Variants in GHRH observed in about 807,000 individuals in gnomAD.
The protein encoded by GHRH is somatoliberin.
GHRH carries 7 observed loss-of-function variants against 15.6 expected under a neutral mutation model. The ratio of observed to expected loss-of-function variants is 0.45; its 90% confidence interval spans 0.26 to 0.84. The LOEUF is 0.84. GHRH is among the 40% of genes least tolerant of loss of function. GHRH has a pLI of 0.18. For missense variants in GHRH, 117 were observed against 138.0 expected, an observed-to-expected ratio of 0.85 and a Z score of 0.76; for synonymous variants, 54 against 50.4, an observed-to-expected ratio of 1.07 and a Z score of -0.30.
intron 1 of GHRH, among the ~76,000 whole-genome samples, chr20:37,259,158 A>G (rs966085746): frequency 1.3e-5 from 2 of 152,214 alleles, no homozygotes; most frequent in Admixed American, 6.5e-5. Context: ...AGAAAAGATG[A>G]GAACACGGGA....
intron 1 of GHRH, among the ~76,000 whole-genome samples, chr20:37,261,334 G>A (rs1468300250): frequency 2.6e-5 from 4 of 152,242 alleles, no homozygotes; most frequent in Non-Finnish European, 4.4e-5. Flanking sequence ...CATTGAATCA[G>A]TTCTGAGTGA....
At position 37,258,549 on chromosome 20, in the gene GHRH, A is replaced by C. The variant is rs2068670930; in HGVS notation, c.-19-1641T>G. Among the ~76,000 whole-genome samples the C allele has an allele frequency of 6.6e-6, 1 of 152,098 alleles. No homozygotes were observed. Among genetic ancestry groups the C allele is most frequent in the Non-Finnish European group, 1.5e-5 (1 of 68,018 alleles). ...CAGGGGGTCTGCTTACTGCAGCCTG[A>C]GACCCTGTACCTGCAGAGCTGGAGG... is the stretch of plus-strand genomic sequence containing the variant. On this transcript the variant is annotated intron_variant, in intron 1 of 4. Transcript: ENST00000373614. The surrounding 1 kb of genome is among the most constrained non-coding windows in gnomAD (Gnocchi z 4.1).
chr20:37,254,475 A>G (rs2068644177), intron 3 of GHRH, 146 bp from the exon 4 acceptor site: 1 of 800,114 alleles, frequency 1.2e-6, no homozygotes, highest in Non-Finnish European at 2.1e-6. Context: ...GGCAGTATAT[A>G]TAGTAATGAA....
In GHRH at chr20:37,256,898, C is replaced by T. The variant is rs182091020; in HGVS notation, c.-9G>A. ...AACACCCAGAGTGGCATCCTTCACCCGGGGTGGCACCTGCAGAGTGACAGG... is the reference window on the plus strand; with the variant it reads ...AACACCCAGAGTGGCATCCTTCACCTGGGGTGGCACCTGCAGAGTGACAGG... On this transcript the variant is annotated 5_prime_UTR_variant, in exon 2 of 5. Transcript: ENST00000373614. 1.7e-5 allele frequency: 28 copies of T among 1,601,148 alleles called. No homozygotes were observed. In the East Asian group the frequency reaches 1.8e-4, roughly 10 times the overall value.
chr20:37,260,580 A>G lies in GHRH; in HGVS notation c.-20+1163T>C, dbSNP rs1426145024. 2.0e-5 allele frequency among the ~76,000 whole-genome samples: 3 copies of G among 152,170 alleles called. No individual in the cohort carries two copies. In the East Asian group the frequency reaches 5.8e-4, roughly 29 times the overall value. On this transcript the variant is annotated intron_variant, in intron 1 of 4. Coordinates refer to ENST00000373614, the MANE Select transcript of GHRH (RefSeq NM_021081.6). Reference sequence around the variant, plus strand: ...AGCCTAAATGTCAGAGCAAGACCCCATCTCAAAGAATAAAATAAAATAGCT... The same window carrying G: ...AGCCTAAATGTCAGAGCAAGACCCCGTCTCAAAGAATAAAATAAAATAGCT...
chr20:37,252,149 C>T (rs1003878740), intron 4 of GHRH, among the ~76,000 whole-genome samples: 3 of 152,208 alleles, frequency 2.0e-5, no homozygotes, highest in African/African-American at 4.8e-5. Context: ...TCTTGTCTTG[C>T]GGACCCTAGA....
rs1401525372 is a variant in GHRH at position 37,258,194 on chromosome 20, C to A, written c.-19-1286G>T. Among the ~76,000 whole-genome samples the A allele has an allele frequency of 1.3e-5, 2 of 152,236 alleles. No individual in the cohort carries two copies. Among genetic ancestry groups the A allele is most frequent in the Admixed American group, 1.3e-4 (2 of 15,286 alleles). ...TGCCCAAGCATGGAAACACGGCTGG[C>A]CTCGGGGGACTTGGCCACCTAGGAA... is the stretch of plus-strand genomic sequence containing the variant. On this transcript the variant is annotated intron_variant, in intron 1 of 4. Coordinates refer to ENST00000373614, the MANE Select transcript of GHRH (RefSeq NM_021081.6). This position sits in a 1 kb window ranked among gnomAD's most constrained non-coding sequence, Gnocchi z 4.1.
In GHRH at chr20:37,258,145, G is replaced by T. The variant is rs1283979933; in HGVS notation, c.-19-1237C>A. Among the ~76,000 whole-genome samples the T allele has an allele frequency of 6.6e-6, 1 of 152,246 alleles. No homozygotes were observed. Among genetic ancestry groups the T allele is most frequent in the African/African-American group, 2.4e-5 (1 of 41,472 alleles). On this transcript the variant is annotated intron_variant, in intron 1 of 4. Transcript: ENST00000373614. This position sits in a 1 kb window ranked among gnomAD's most constrained non-coding sequence, Gnocchi z 4.1. ...ACAGAGCCCGCCTCCGCTGGGGCAA[G>T]TGCCACTGCTGTCAGCCCAGACCTG...
rs1216036464 is a variant in GHRH at position 37,256,394 on chromosome 20, C to T, written c.188G>A (p.Gly63Glu). The T allele has an allele frequency of 1.2e-6, 2 of 1,601,618 alleles. No individual in the cohort carries two copies. ...AGAAATCACTAGAACTCCTGCTTAC[C>T]CCTGCTGCCTGCTCATGATGTCCTG... ...LLQDIMSRQQ[G>E]ESNQERGARA... Residue 63 changes from glycine to glutamate, a missense_variant and splice_region_variant, in exon 3 of 5, where the codon GGA becomes GAA. Coordinates refer to ENST00000373614, the MANE Select transcript of GHRH (RefSeq NM_021081.6).
intron 1 of GHRH, among the ~76,000 whole-genome samples, chr20:37,257,545 A>T (rs1408880469): frequency 6.6e-6 from 1 of 152,040 alleles, no homozygotes; most frequent in African/African-American, 2.4e-5. Context: ...AAATAAATAG[A>T]ATAAATGGGA....
At chr20:37,256,026 TAAAA>T (rs1377810676) in intron 3 of GHRH, among the ~76,000 whole-genome samples, 1 of 151,804 alleles carries the variant, frequency 6.6e-6, no homozygotes, top group South Asian at 2.1e-4. Flanking sequence ...ACCCTGTCTC[TAAAA>T]AAAAGAAAGC....
intron 3 of GHRH, among the ~76,000 whole-genome samples, chr20:37,254,542 G>A (rs998584711): frequency 1.3e-5 from 2 of 152,120 alleles, no homozygotes; most frequent in African/African-American, 4.8e-5. Flanking sequence ...GATTATTAAT[G>A]ATAGAGGGAA....
chr20:37,254,193 T>C lies in GHRH; in HGVS notation c.308+17A>G, dbSNP rs2146747634. On this transcript the variant is annotated intron_variant, in intron 4 of 4. Coordinates refer to ENST00000373614, the MANE Select transcript of GHRH (RefSeq NM_021081.6). The stretch of plus-strand genomic sequence containing the variant: ...GCCCTGAAGTCCCTAGATGCACCCA[T>C]GCACACACACCCATACCTGTGCTTC... 2 of 1,613,918 alleles carry C rather than the reference T, an allele frequency of 1.2e-6. No individual in the cohort carries two copies. Among genetic ancestry groups the C allele is most frequent in the Non-Finnish European group, 1.7e-6 (2 of 1,179,862 alleles).
chr20:37,261,250 G>T (rs1181142362), intron 1 of GHRH, among the ~76,000 whole-genome samples: 1 of 152,184 alleles, frequency 6.6e-6, no homozygotes, highest in Non-Finnish European at 1.5e-5. Context: ...AGATAATTGT[G>T]TCTAAAACCT....
chr20:37,252,231 A>G (rs560219078), intron 4 of GHRH, among the ~76,000 whole-genome samples: 1 of 152,340 alleles, frequency 6.6e-6, no homozygotes, highest in South Asian at 2.1e-4. Context: ...CTAGTTGCAG[A>G]AACAGGCCTG....
At position 37,261,804 on chromosome 20, in the gene GHRH, G is replaced by T. The variant is rs955941460; in HGVS notation, c.-81C>A. On this transcript the variant is annotated 5_prime_UTR_variant, in exon 1 of 5. Coordinates refer to ENST00000373614, the MANE Select transcript of GHRH (RefSeq NM_021081.6). ...CTCAAATCCAGGGGCCCTGGGCTGG[G>T]TGTTTGCTCTGGCAGCCGCCTGGCG... 6.6e-6 allele frequency: 1 copy of T among 152,244 alleles called. No individual in the cohort carries two copies. The highest frequency in any genetic ancestry group is 2.4e-5 in the African/African-American group (1 of 41,460). 9.4% of individuals were successfully genotyped at this position (152,244 alleles called of 1,614,324 possible).
Position 37,256,492 on chromosome 20 carries a change from C to T in GHRH, c.90G>A (p.Arg30=). 1.9e-6 allele frequency: 3 copies of T among 1,610,500 alleles called. No homozygotes were observed. The highest frequency in any genetic ancestry group is 1.1e-5 in the South Asian group (1 of 90,868). The change falls in exon 3 of 5, where the codon CGG becomes CGA. Residue 30 remains arginine, a synonymous_variant. Transcript: ENST00000373614. ...TGGTGAAGATGGCATCTGCATACCG[C>T]CGCATCCTGTGCGGAAGGAGTCAGG... The part of the protein sequence containing the change: ...SPPPPLTLRM[R]RYADAIFTNS...
rs2068618728 is a variant in GHRH, at chr20:37,251,147, AATGAGAGG to A, written c.*58_*65del. On this transcript the variant is annotated 3_prime_UTR_variant, in exon 5 of 5. Transcript: ENST00000373614. ...TTTTCAAAGGAAAAAGTGGGTCAGA[AATGAGAGG>A]ATTAACTGGATCCAGTTGCATTTTG... 8.5e-7 allele frequency: 1 copy of A among 1,175,654 alleles called. No individual in the cohort carries two copies. Among genetic ancestry groups the A allele is most frequent in the African/African-American group, 1.5e-5 (1 of 65,110 alleles). 72.8% of individuals were successfully genotyped at this position (1,175,654 alleles called of 1,614,324 possible).
rs1052847819 is a variant in GHRH, at chr20:37,254,284, C to T, written c.234G>A (p.Gln78=). The stretch of plus-strand genomic sequence containing the variant: ...TTTGTTCTGCCCACATGCTGTCTAC[C>T]TGACGACCAAGCCGTGCCCTTGCTC... The part of the protein sequence containing the change: ...ERGARARLGR[Q]VDSMWAEQKQ... The change falls in exon 4 of 5, where the codon CAG becomes CAA. Residue 78 remains glutamine (Q), a synonymous_variant. Coordinates refer to ENST00000373614, the MANE Select transcript of GHRH (RefSeq NM_021081.6). 6.8e-6 allele frequency: 11 copies of T among 1,614,010 alleles called. No homozygotes were observed. In the Admixed American group the frequency reaches 1.3e-4, roughly 20 times the overall value.
Sources: gnomAD v4.1 joint callset for allele counts (sites outside exome capture counted in the v4.1 genomes callset) on GRCh38, gnomAD v4.1.1 for gene constraint, Gnocchi (gnomAD v3.1) non-coding constraint, MANE v1.5 for transcripts, NCBI Gene and HGNC (gene_info 2026-07-23, HGNC 2026-07-21) for gene names.